GPHN: variants seen among roughly 807,000 people sequenced by gnomAD.
GPHN encodes gephyrin.
In GPHN, 17 loss-of-function variants were observed where a neutral mutation model predicts 95.5. The observed-to-expected ratio is 0.18, with a 90% CI of 0.12 to 0.27. The LOEUF (loss-of-function observed/expected upper bound fraction) is 0.27, where lower values mean the gene tolerates loss of function less well. GPHN is among the 10% of genes least tolerant of loss of function. The probability of loss-of-function intolerance (pLI) is 1.00; values close to 1 mark genes in which losing one functional copy is unlikely to be tolerated. For synonymous variants in GPHN, 320 were observed against 322.5 expected, an observed-to-expected ratio of 0.99 and a Z score of 0.08; for missense variants, 660 against 978.1, an observed-to-expected ratio of 0.67 and a Z score of 4.34.
At chr14:66,509,342 CT>C in intron 1 of GPHN, 1 of 152,454 alleles carries the variant, frequency 6.6e-6, no homozygotes, top group Middle Eastern at 3.4e-3. Context: ...GATTCCCCTA[CT>C]CGGGCTCCTC....
chr14:67,679,548 C>T, the GPHN span, among the ~76,000 whole-genome samples: 9 of 152,002 alleles, frequency 5.9e-5, no homozygotes, highest in Non-Finnish European at 8.8e-5. Context: ...GGATTATAGG[C>T]GCCTGCCACC....
At chr14:66,688,583 A>G (rs1022795201) in intron 2 of GPHN, among the ~76,000 whole-genome samples, 1 of 152,162 alleles carries the variant, frequency 6.6e-6, no homozygotes, top group African/African-American at 2.4e-5. Flanking sequence ...CATCAGTTCT[A>G]AGAGTCTTTG....
chr14:66,679,549 G>A (rs1447480212), intron 1 of GPHN, among the ~76,000 whole-genome samples: 1 of 152,016 alleles, frequency 6.6e-6, no homozygotes, highest in African/African-American at 2.4e-5. Context: ...CTCACTTTCT[G>A]TCTGCTTTAT....
At chr14:66,516,926 T>C (rs575748912) in intron 1 of GPHN, among the ~76,000 whole-genome samples, 10 of 151,684 alleles carry the variant, frequency 6.6e-5, no homozygotes, top group Non-Finnish European at 1.5e-4. Flanking sequence ...AGTCAGGAGA[T>C]TGAGACCATC....
At chr14:67,020,876 T>A (rs1331189197) in intron 9 of GPHN, among the ~76,000 whole-genome samples, 1 of 152,106 alleles carries the variant, frequency 6.6e-6, no homozygotes, top group Non-Finnish European at 1.5e-5. Context: ...CAAAAACTGT[T>A]TTATTTTGCT....
chr14:66,606,575 A>G (rs2062546117), intron 1 of GPHN, among the ~76,000 whole-genome samples: 1 of 152,210 alleles, frequency 6.6e-6, no homozygotes, highest in African/African-American at 2.4e-5. Flanking sequence ...CAGTATGGCC[A>G]TTTTAACAAT....
chr14:66,707,689 C>G (rs767714906), intron 2 of GPHN, among the ~76,000 whole-genome samples: 2 of 151,428 alleles, frequency 1.3e-5, no homozygotes, highest in Non-Finnish European at 3.0e-5. Flanking sequence ...GGTTAGGGAA[C>G]TTAAAGGATG....
At chr14:67,380,272 C>G in the GPHN span, among the ~76,000 whole-genome samples, 1 of 152,112 alleles carries the variant, frequency 6.6e-6, no homozygotes, top group Non-Finnish European at 1.5e-5. Context: ...GGAAGTAATA[C>G]CTTTCTGTCC....
the GPHN span, chr14:67,204,832 A>C: frequency 6.2e-7 from 1 of 1,614,018 alleles, no homozygotes; most frequent in South Asian, 1.1e-5. Context: ...GACCCCGTAC[A>C]TGTATGCAGG....
chr14:67,506,172 A>G, the GPHN span, among the ~76,000 whole-genome samples: 3 of 152,120 alleles, frequency 2.0e-5, no homozygotes, highest in Admixed American at 1.3e-4. Context: ...GAGTGGATGT[A>G]TTTTTATTTT....
At chr14:67,394,471 C>CA in the GPHN span, among the ~76,000 whole-genome samples, 1 of 152,116 alleles carries the variant, frequency 6.6e-6, no homozygotes, top group Non-Finnish European at 1.5e-5. Flanking sequence ...GCATTAAGTC[C>CA]AAACCCCCTC....
the GPHN span, among the ~76,000 whole-genome samples, chr14:67,712,650 C>G: frequency 6.6e-6 from 1 of 152,054 alleles, no homozygotes; most frequent in African/African-American, 2.4e-5. Flanking sequence ...CTTTTAAAAT[C>G]TCATTACTAT....
the GPHN span, among the ~76,000 whole-genome samples, chr14:67,661,529 CT>C: frequency 0.1 from 11,323 of 110,018 alleles, 591 homozygotes; most frequent in African/African-American, 0.23. Flanking sequence ...GAACAGTAAC[CT>C]TTTTTTTTTT....
At chr14:66,571,856 T>C (rs1216043208) in intron 1 of GPHN, among the ~76,000 whole-genome samples, 2 of 152,152 alleles carry the variant, frequency 1.3e-5, no homozygotes, top group African/African-American at 4.8e-5. Flanking sequence ...CCTGGACCAA[T>C]GCCAGGAAGC....
At chr14:67,241,012 G>A in the GPHN span, 52 of 152,400 alleles carry the variant, frequency 3.4e-4, no homozygotes, top group African/African-American at 1.2e-3. Context: ...CAAGAGCCAA[G>A]GGATGTAGAA....
chr14:67,391,681 A>G, the GPHN span, among the ~76,000 whole-genome samples: 1 of 152,214 alleles, frequency 6.6e-6, no homozygotes, highest in South Asian at 2.1e-4. Context: ...AATGTCTGCT[A>G]CACTTCCTGG....
chr14:67,279,131 A>T, the GPHN span: 1 of 1,500,382 alleles, frequency 6.7e-7, no homozygotes. Context: ...TATAGGAAAA[A>T]TTGATTTATA....
chr14:66,889,560 A>G (rs1395496915), intron 5 of GPHN, among the ~76,000 whole-genome samples: 1 of 152,174 alleles, frequency 6.6e-6, no homozygotes, highest in Non-Finnish European at 1.5e-5. Flanking sequence ...AAAATATTTA[A>G]AAGTGAATTA....
At chr14:67,210,714 T>C in the GPHN span, among the ~76,000 whole-genome samples, 1 of 151,872 alleles carries the variant, frequency 6.6e-6, no homozygotes, top group South Asian at 2.1e-4. Flanking sequence ...ACACAGCCAA[T>C]AGAGAATGAA....
Sources: gnomAD v4.1 joint callset for allele counts (sites outside exome capture counted in the v4.1 genomes callset) on GRCh38, gnomAD v4.1.1 for gene constraint, MANE v1.5 for transcripts, NCBI Gene and HGNC (gene_info 2026-07-23, HGNC 2026-07-21) for gene names.